The following PPP3R1 variants were observed in gnomAD, a reference collection of about 807,000 sequenced individuals.
The protein encoded by PPP3R1 is protein phosphatase 3 regulatory subunit B, alpha, also known as calcineurin subunit B type 1.
PPP3R1 carries 5 observed loss-of-function variants against 22.6 expected under a neutral mutation model. That is an observed-to-expected ratio of 0.22 (90% CI 0.12 to 0.46). The LOEUF (loss-of-function observed/expected upper bound fraction) is 0.46, where lower values mean the gene tolerates loss of function less well. Ranked by LOEUF, PPP3R1 falls within the 20% of genes least tolerant of loss-of-function variation. The pLI is 0.99. For missense variants in PPP3R1, 61 were observed against 203.2 expected, an observed-to-expected ratio of 0.30 and a Z score of 4.25; for synonymous variants, 56 against 65.2, an observed-to-expected ratio of 0.86 and a Z score of 0.68.
chr2:68,252,026 G>A, intron 1 of PPP3R1, 99 bp downstream of exon 1: 3 of 1,215,464 alleles, frequency 2.5e-6, no homozygotes, highest in Non-Finnish European at 3.2e-6. Context: ...ATTTTCCACG[G>A]GGGACAGCCG....
At chr2:68,225,370 T>C (rs1453564867) in intron 1 of PPP3R1, among the ~76,000 whole-genome samples, 1 of 152,116 alleles carries the variant, frequency 6.6e-6, no homozygotes. Flanking sequence ...CACATGGCAT[T>C]GAATGCAGGC....
At chr2:68,210,578 G>C (rs1388162589) in intron 2 of PPP3R1, among the ~76,000 whole-genome samples, 2 of 152,156 alleles carry the variant, frequency 1.3e-5, no homozygotes, top group African/African-American at 4.8e-5. Context: ...TTGAAAGTGT[G>C]CAGACTACAG....
intron 5 of PPP3R1, among the ~76,000 whole-genome samples, chr2:68,182,627 C>G (rs1166015659): frequency 1.4e-5 from 2 of 143,474 alleles, no homozygotes; most frequent in Admixed American, 7.3e-5. Context: ...ACCGGCCTGA[C>G]CAACATGGTG....
At chr2:68,229,973 T>TACACACACACACACACACACACACAC (rs201152385) in intron 1 of PPP3R1, among the ~76,000 whole-genome samples, 18 of 143,138 alleles carry the variant, frequency 1.3e-4, no homozygotes, top group East Asian at 2.1e-4. Flanking sequence ...TATACACACA[T>TACACACACACACACACACACACACAC]ACACACACAC....
At chr2:68,247,809 ATC>A (rs1670264114) in intron 1 of PPP3R1, among the ~76,000 whole-genome samples, 1 of 152,154 alleles carries the variant, frequency 6.6e-6, no homozygotes, top group Non-Finnish European at 1.5e-5. Context: ...GCCTAAATGT[ATC>A]TCCTGTAGGA....
At chr2:68,208,861 T>G (rs1269196227) in intron 2 of PPP3R1, among the ~76,000 whole-genome samples, 1 of 151,700 alleles carries the variant, frequency 6.6e-6, no homozygotes, top group Admixed American at 6.6e-5. Context: ...AGGTGGAGGC[T>G]GCAGTGAGCC....
chr2:68,222,994 C>G (rs1046311888), intron 1 of PPP3R1, among the ~76,000 whole-genome samples: 3 of 152,078 alleles, frequency 2.0e-5, no homozygotes, highest in Admixed American at 1.3e-4. Flanking sequence ...CAAAAACATA[C>G]CAATCCTACA....
chr2:68,233,760 A>G (rs1669963803), intron 1 of PPP3R1, among the ~76,000 whole-genome samples: 1 of 152,168 alleles, frequency 6.6e-6, no homozygotes, highest in Admixed American at 6.5e-5. Context: ...CCTCAGATAA[A>G]CTAATTTACA....
In PPP3R1 at chr2:68,221,338, A is replaced by G. The variant is rs531410565; in HGVS notation, c.4-4207T>C. Among the ~76,000 whole-genome samples the G allele has an allele frequency of 6.0e-5, 9 of 150,116 alleles. No individual in the cohort carries two copies. In the South Asian group the frequency reaches 1.9e-3, roughly 32 times the overall value. ...GAGCGAGACTCCACCTCAAAAATAA[A>G]AACAAAAACACGAGCCAGGCATGTT... On this transcript the variant is annotated intron_variant, in intron 1 of 5. Transcript: ENST00000234310.
chr2:68,251,163 C>A (rs1352964755), intron 1 of PPP3R1: 1 of 152,186 alleles, frequency 6.6e-6, no homozygotes, highest in Admixed American at 6.5e-5. Flanking sequence ...CTTCCCCGAG[C>A]GAGAGAACCG....
chr2:68,196,852 G>C lies in PPP3R1; in HGVS notation c.44-8162C>G, dbSNP rs149181059. 2.7e-3 allele frequency among the ~76,000 whole-genome samples: 413 copies of C among 152,170 alleles called. 2 individuals carry two copies. The highest frequency in any genetic ancestry group is 6.2e-3 in the African/African-American group (259 of 41,512). ...CAATTCTTCTGCCTCAGCCTCCGGGGTAGCTGAGATTACAGGCGTGCGCCA... is the reference window on the plus strand; with the variant it reads ...CAATTCTTCTGCCTCAGCCTCCGGGCTAGCTGAGATTACAGGCGTGCGCCA... On this transcript the variant is annotated intron_variant, in intron 2 of 5. Coordinates refer to ENST00000234310, the MANE Select transcript of PPP3R1 (RefSeq NM_000945.4).
At chr2:68,203,824 AC>A (rs1558632915) in intron 2 of PPP3R1, among the ~76,000 whole-genome samples, 1 of 152,220 alleles carries the variant, frequency 6.6e-6, no homozygotes, top group Non-Finnish European at 1.5e-5. Flanking sequence ...AAAAACAGAA[AC>A]AGCGTTCTAA....
chr2:68,205,881 G>A (rs1406027124), intron 2 of PPP3R1, among the ~76,000 whole-genome samples: 3 of 151,986 alleles, frequency 2.0e-5, no homozygotes, highest in African/African-American at 4.8e-5. Context: ...GTGCAATGGC[G>A]CGATCTCGGC....
chr2:68,204,791 CCAA>C (rs1471688382), intron 2 of PPP3R1, among the ~76,000 whole-genome samples: 1 of 152,144 alleles, frequency 6.6e-6, no homozygotes, highest in Non-Finnish European at 1.5e-5. Flanking sequence ...TTAAAATTAT[CCAA>C]CGAGTTGTCT....
chr2:68,205,844 G>C (rs1001509142), intron 2 of PPP3R1, among the ~76,000 whole-genome samples: 1 of 151,564 alleles, frequency 6.6e-6, no homozygotes, highest in East Asian at 1.9e-4. Flanking sequence ...TTTGAGAGGG[G>C]GTTTCGCTCT....
rs79113203 is a variant in PPP3R1 at position 68,206,140 on chromosome 2, T to C, written c.43+10952A>G. Among the ~76,000 whole-genome samples the C allele has an allele frequency of 2.9e-3, 446 of 151,962 alleles. 13 individuals carry two copies. The East Asian group carries it at 0.082, about 28-fold the overall frequency. On this transcript the variant is annotated intron_variant, in intron 2 of 5. Coordinates refer to ENST00000234310, the MANE Select transcript of PPP3R1 (RefSeq NM_000945.4). ...GCGGCTCTTAAAAGGTTCAAATACG[T>C]GAAAGAACAGAGAGAAACTTCCAGG...
At chr2:68,248,028 G>A (rs1558646330) in intron 1 of PPP3R1, among the ~76,000 whole-genome samples, 1 of 152,160 alleles carries the variant, frequency 6.6e-6, no homozygotes, top group East Asian at 1.9e-4. Context: ...GGAGAAAAAA[G>A]ATTAACTCCT....
At chr2:68,237,975 T>C (rs956835533) in intron 1 of PPP3R1, among the ~76,000 whole-genome samples, 1 of 152,188 alleles carries the variant, frequency 6.6e-6, no homozygotes, top group African/African-American at 2.4e-5. Flanking sequence ...ACCTGACATA[T>C]AAGTCTCTAC....
intron 2 of PPP3R1, among the ~76,000 whole-genome samples, chr2:68,212,107 G>T (rs191736427): frequency 0.027 from 4,126 of 152,182 alleles, 171 homozygotes; most frequent in African/African-American, 0.094. Flanking sequence ...TGGAGACAAG[G>T]TCTCGCTCTG....
Sources: gnomAD v4.1 joint callset for allele counts (sites outside exome capture counted in the v4.1 genomes callset) on GRCh38, gnomAD v4.1.1 for gene constraint, MANE v1.5 for transcripts, NCBI Gene and HGNC (gene_info 2026-07-23, HGNC 2026-07-21) for gene names.